Variants in USH2A observed in about 807,000 individuals in gnomAD.
USH2A encodes the protein usherin, also known as Usher syndrome 2A (autosomal recessive, mild).
Under a neutral mutation model 538.9 loss-of-function variants are expected in USH2A, and 443 were observed. The observed-to-expected ratio is 0.82, with a 90% CI of 0.76 to 0.89. USH2A has a LOEUF of 0.89. Among genes scored for constraint, USH2A ranks in the 40% least tolerant of loss-of-function variants. The probability of loss-of-function intolerance (pLI) is 0.00; values close to 1 mark genes in which losing one functional copy is unlikely to be tolerated. For missense variants in USH2A, 6,633 were observed against 6,324.8 expected, an observed-to-expected ratio of 1.05 and a Z score of -1.65; for synonymous variants, 2,413 against 2,273.5, an observed-to-expected ratio of 1.06 and a Z score of -1.75.
intron 56 of USH2A, among the ~76,000 whole-genome samples, chr1:215,761,811 A>G (rs528285320): frequency 6.6e-6 from 1 of 152,316 alleles, no homozygotes; most frequent in South Asian, 2.1e-4. Flanking sequence ...CTACCACTTT[A>G]TGTTGTCATC....
intron 21 of USH2A, among the ~76,000 whole-genome samples, chr1:216,101,525 C>G (rs2032577344): frequency 6.6e-6 from 1 of 152,098 alleles, no homozygotes; most frequent in Non-Finnish European, 1.5e-5. Context: ...AACTTGTCTT[C>G]CCCTCTGCCT....
At chr1:215,911,535 C>T (rs1281712977) in intron 38 of USH2A, among the ~76,000 whole-genome samples, 3 of 152,034 alleles carry the variant, frequency 2.0e-5, no homozygotes, top group African/African-American at 4.8e-5. Context: ...ATGACTGGAT[C>T]TCATTCTTTT....
intron 24 of USH2A, among the ~76,000 whole-genome samples, chr1:216,086,122 A>G (rs10495015): frequency 0.54 from 82,498 of 151,814 alleles, 22,979 homozygotes; most frequent in East Asian, 0.87. Flanking sequence ...ATTCATGTTC[A>G]TTTTAATTAG....
At chr1:216,012,546 C>T (rs1668601154) in intron 32 of USH2A, among the ~76,000 whole-genome samples, 1 of 152,140 alleles carries the variant, frequency 6.6e-6, no homozygotes, top group Non-Finnish European at 1.5e-5. Flanking sequence ...AGCCTTCTCA[C>T]CTCTATACAG....
intron 21 of USH2A, among the ~76,000 whole-genome samples, chr1:216,162,402 C>T (rs1290889988): frequency 1.3e-5 from 2 of 151,772 alleles, no homozygotes; most frequent in Non-Finnish European, 2.9e-5. Context: ...CCTTTCTGTC[C>T]ACCTTGTCCT....
Position 215,889,023 on chromosome 1 carries a change from C to T in USH2A, c.7626G>A (p.Leu2542=). The change falls in exon 41 of 72, where the codon CTG becomes CTA. Residue 2542 remains leucine (L), a synonymous_variant. Transcript: ENST00000307340. ...CCAACATCATTCTTGACTTCACATC[C>T]AGAAGAATCGGAGGAACTACAGGTC... ...KPGPVVPPIL[L]DVKSRMMLVT... is the part of the protein sequence containing the mutation. 2 of 1,613,900 alleles carry T rather than the reference C, an allele frequency of 1.2e-6. No homozygotes were observed. The highest frequency in any genetic ancestry group is 1.7e-6 in the Non-Finnish European group (2 of 1,180,000).
rs546355738 is a variant in USH2A at position 215,816,145 on chromosome 1, A to C, written c.9570+852T>G. 3.0e-3 allele frequency among the ~76,000 whole-genome samples: 458 copies of C among 152,192 alleles called. 1 individual carries two copies. Among genetic ancestry groups the C allele is most frequent in the Non-Finnish European group, 5.4e-3 (366 of 67,972 alleles). ...TAGTATTTTTCTTCTCAGAAATCCC[A>C]AATTTAATTTTATACAAATATGTTC... is the stretch of plus-strand genomic sequence containing the variant. On this transcript the variant is annotated intron_variant, in intron 48 of 71. Coordinates refer to ENST00000307340, the MANE Select transcript of USH2A (RefSeq NM_206933.4).
intron 4 of USH2A, among the ~76,000 whole-genome samples, chr1:216,353,557 C>A (rs57581490): frequency 3.3e-5 from 5 of 152,010 alleles, no homozygotes; most frequent in Non-Finnish European, 7.4e-5. Flanking sequence ...GTAATTAAAA[C>A]GTCGATGCCT....
intron 38 of USH2A, among the ~76,000 whole-genome samples, chr1:215,916,724 A>C (rs1665963751): frequency 6.6e-6 from 1 of 152,084 alleles, no homozygotes; most frequent in Non-Finnish European, 1.5e-5. Context: ...GTAATATAGA[A>C]AGGGGGGCAG....
At chr1:216,140,762 A>G (rs2033586598) in intron 21 of USH2A, among the ~76,000 whole-genome samples, 1 of 152,194 alleles carries the variant, frequency 6.6e-6, no homozygotes, top group African/African-American at 2.4e-5. Context: ...TTTTCTCTTA[A>G]GAGAGGCAGG....
At chr1:215,961,330 A>T (rs928262745) in intron 37 of USH2A, among the ~76,000 whole-genome samples, 1 of 151,774 alleles carries the variant, frequency 6.6e-6, no homozygotes, top group Admixed American at 6.6e-5. Context: ...ATGAATACAC[A>T]ACAGAAATAT....
chr1:216,254,060 G>A (rs866278274), intron 11 of USH2A, among the ~76,000 whole-genome samples: 3 of 152,052 alleles, frequency 2.0e-5, no homozygotes, highest in Admixed American at 1.3e-4. Context: ...AAGTCTTATC[G>A]AGATATTTTT....
intron 70 of USH2A, 104 bp downstream of exon 70, chr1:215,634,355 C>G: frequency 6.4e-7 from 1 of 1,571,756 alleles, no homozygotes; most frequent in African/African-American, 1.3e-5. Context: ...ACATAACTTA[C>G]ATCTAATTCC....
chr1:216,067,348 T>C (rs2031410966), intron 30 of USH2A, among the ~76,000 whole-genome samples: 1 of 152,002 alleles, frequency 6.6e-6, no homozygotes, highest in Admixed American at 6.6e-5. Context: ...CAAGCCACCC[T>C]GGCACATGTA....
At chr1:216,059,834 T>C (rs186614496) in intron 30 of USH2A, among the ~76,000 whole-genome samples, 5 of 152,306 alleles carry the variant, frequency 3.3e-5, no homozygotes, top group African/African-American at 1.2e-4. Flanking sequence ...TGCCTTTCTA[T>C]ATGGGGCATG....
intron 46 of USH2A, among the ~76,000 whole-genome samples, chr1:215,839,367 T>C (rs994362467): frequency 3.9e-5 from 6 of 152,226 alleles, no homozygotes; most frequent in Admixed American, 2.0e-4. Context: ...AATGGATATA[T>C]GCACAAATAA....
intron 14 of USH2A, among the ~76,000 whole-genome samples, chr1:216,230,156 A>G (rs149954867): frequency 2.4e-3 from 359 of 152,218 alleles, no homozygotes; most frequent in African/African-American, 8.3e-3. Flanking sequence ...TTCTCCTGGT[A>G]AATGTGGTCA....
intron 61 of USH2A, among the ~76,000 whole-genome samples, chr1:215,696,055 T>C (rs145681867): frequency 6.6e-6 from 1 of 152,254 alleles, no homozygotes; most frequent in African/African-American, 2.4e-5. Flanking sequence ...GGCCTACACA[T>C]AGCTTTTGAC....
intron 3 of USH2A, among the ~76,000 whole-genome samples, chr1:216,417,484 G>A (rs1252134787): frequency 1.3e-5 from 2 of 152,054 alleles, no homozygotes; most frequent in Non-Finnish European, 2.9e-5. Flanking sequence ...AGCTTTGGTG[G>A]TGGGGCCTGA....
Sources: gnomAD v4.1 joint callset for allele counts (sites outside exome capture counted in the v4.1 genomes callset) on GRCh38, gnomAD v4.1.1 for gene constraint, MANE v1.5 for transcripts, NCBI Gene and HGNC (gene_info 2026-07-23, HGNC 2026-07-21) for gene names.